The following PGAP2 variants were observed in gnomAD, a reference collection of about 807,000 sequenced individuals.
PGAP2 encodes the protein acyltransferase PGAP2.
In PGAP2, 21 loss-of-function variants were observed where a neutral mutation model predicts 33.2. The ratio of observed to expected loss-of-function variants is 0.63; its 90% confidence interval spans 0.45 to 0.91. The LOEUF (loss-of-function observed/expected upper bound fraction) is 0.91. PGAP2 is among the 40% of genes least tolerant of loss of function. PGAP2 has a pLI of 0.00. For synonymous variants in PGAP2, 161 were observed against 172.9 expected, an observed-to-expected ratio of 0.93 and a Z score of 0.54; for missense variants, 345 against 424.0, an observed-to-expected ratio of 0.81 and a Z score of 1.64.
intron 3 of PGAP2, among the ~76,000 whole-genome samples, chr11:3,818,326 CAA>C (rs5789309): frequency 0.056 from 5,449 of 97,596 alleles, 338 homozygotes; most frequent in African/African-American, 0.18. Flanking sequence ...AAGATCGTGC[CAA>C]AAAAAAAAAA....
At chr11:3,808,313 G>A, upstream of PGAP2, 3 of 1,551,532 alleles carry the variant, frequency 1.9e-6, no homozygotes, top group Non-Finnish European at 2.6e-6. Context: ...ACGCAGCTGA[G>A]AGGTAAGGCG....
chr11:3,797,744 G>A (rs889194951), upstream of PGAP2: 2 of 1,406,244 alleles, frequency 1.4e-6, no homozygotes, highest in Admixed American at 2.2e-5. Flanking sequence ...GAGGCACAGG[G>A]TAGGAGCGGT....
At chr11:3,823,606 A>C (rs1419715692) in intron 3 of PGAP2, 1 of 1,536,158 alleles carries the variant, frequency 6.5e-7, no homozygotes, top group East Asian at 2.4e-5. Flanking sequence ...ACATTGACCA[A>C]ACACAGGCAG....
intron 3 of PGAP2, chr11:3,822,893 C>T (rs746912968): frequency 3.8e-5 from 54 of 1,408,260 alleles, no homozygotes; most frequent in South Asian, 5.2e-5. Flanking sequence ...GTATTATCTT[C>T]TCCTTTTTCC....
Position 3,817,880 on chromosome 11 carries a change from C to T in PGAP2, c.348+345C>T, listed in dbSNP as rs1030630391. 28 of 474,286 alleles carry T rather than the reference C, an allele frequency of 5.9e-5. No homozygotes were observed. The Admixed American group carries it at 6.3e-4, about 11-fold the overall frequency. 29.4% of individuals were successfully genotyped at this position (474,286 alleles called of 1,614,324 possible). Reference sequence around the variant, plus strand: ...GCAACATGGTGAAACCCCGTCTGTACAAAAAATGCAAAAAAATTAGCTGGG... The same window carrying T: ...GCAACATGGTGAAACCCCGTCTGTATAAAAAATGCAAAAAAATTAGCTGGG... On this transcript the variant is annotated intron_variant, in intron 3 of 6. Transcript: ENST00000278243.
At chr11:3,823,318 G>A (rs1663579049) in intron 3 of PGAP2, among the ~76,000 whole-genome samples, 1 of 152,016 alleles carries the variant, frequency 6.6e-6, no homozygotes, top group African/African-American at 2.4e-5. Context: ...TTACAGATGT[G>A]AGCCATCGTG....
chr11:3,821,887 A>G (rs2088764422), intron 3 of PGAP2, among the ~76,000 whole-genome samples: 1 of 148,432 alleles, frequency 6.7e-6, no homozygotes, highest in Non-Finnish European at 1.5e-5. Flanking sequence ...ACATGGCAAA[A>G]CCCTGTTGCT....
At chr11:3,808,010 C>T (rs920227417), upstream of PGAP2, 66 of 1,338,578 alleles carry the variant, frequency 4.9e-5, no homozygotes, top group South Asian at 2.4e-4. Flanking sequence ...ACAGGGCGCC[C>T]TCTCCTGAAC....
At chr11:3,800,484 A>G (rs2083278448) in intron 1 of PGAP2, among the ~76,000 whole-genome samples, 1 of 152,178 alleles carries the variant, frequency 6.6e-6, no homozygotes. Flanking sequence ...GTTTAAATTT[A>G]TTTATTAATT....
chr11:3,819,398 G>T (rs753272089), intron 3 of PGAP2, among the ~76,000 whole-genome samples: 2 of 152,010 alleles, frequency 1.3e-5, no homozygotes, highest in Non-Finnish European at 2.9e-5. Context: ...CCAAGATGCG[G>T]ACTGTGAGCG....
chr11:3,824,540 G>T, intron 5 of PGAP2, 164 bp downstream of exon 5: 1 of 1,078,910 alleles, frequency 9.3e-7, no homozygotes, highest in Non-Finnish European at 1.4e-6. Flanking sequence ...ACTGAGGGTG[G>T]TTGGTCAGAA....
chr11:3,797,761 G>A (rs2082760867), upstream of PGAP2: 2 of 1,493,948 alleles, frequency 1.3e-6, no homozygotes, highest in South Asian at 1.2e-5. Flanking sequence ...CGGTGAGAGG[G>A]CCGTGGAGTC....
chr11:3,801,917 C>T (rs1301592666), intron 1 of PGAP2, among the ~76,000 whole-genome samples: 1 of 151,990 alleles, frequency 6.6e-6, no homozygotes, highest in Non-Finnish European at 1.5e-5. Context: ...CATACTCCAG[C>T]CTCAGCCTGT....
chr11:3,824,941 T>C, intron 5 of PGAP2, 79 bp from the exon 6 acceptor site: 2 of 1,595,596 alleles, frequency 1.3e-6, no homozygotes, highest in Non-Finnish European at 1.7e-6. Flanking sequence ...GGCCCAGCCC[T>C]TAGGAGTTAG....
Position 3,797,828 on chromosome 11 carries a change from C to A in PGAP2, c.-16C>A, listed in dbSNP as rs745886822. The stretch of plus-strand genomic sequence containing the variant: ...TGTCGTGACGTCACACAGGGCCTCT[C>A]GAAGTGGGCTTGTGAATGGCTAGAT... On this transcript the variant is annotated 5_prime_UTR_variant, in exon 1 of 7. Coordinates refer to the PGAP2 transcript ENST00000300730. 317 of 1,549,724 alleles carry A rather than the reference C, an allele frequency of 2.0e-4. 1 individual carries two copies. Among genetic ancestry groups the A allele is most frequent in the Non-Finnish European group, 2.6e-4 (295 of 1,146,222 alleles).
At position 3,814,905 on chromosome 11, in the gene PGAP2, G is replaced by GCCCTTT. The variant is rs369558503; in HGVS notation, c.166-2427_166-2422dup. Among the ~76,000 whole-genome samples the GCCCTTT allele has an allele frequency of 2.5e-3, 293 of 118,134 alleles. 1 individual carries two copies. Among genetic ancestry groups the GCCCTTT allele is most frequent in the African/African-American group, 8.4e-3 (252 of 30,162 alleles). 77.5% of individuals were successfully genotyped at this position (118,134 alleles called of 152,430 possible). A position where few individuals can be genotyped will look rare whatever the true frequency, so the allele number is the denominator to read the frequency against. The stretch of plus-strand genomic sequence containing the variant: ...CTTTCCTTCCCTTTCCCTTTCCCTT[G>GCCCTTT]CCCTTTCCCTTTCCCTTTCCCTTTC... On this transcript the variant is annotated intron_variant, in intron 2 of 6. Transcript: ENST00000278243.
Position 3,811,976 on chromosome 11 carries a change from G to A in PGAP2, c.165+552G>A, listed in dbSNP as rs1448537096. On this transcript the variant is annotated intron_variant, in intron 2 of 6. Transcript: ENST00000278243. The surrounding 1 kb of genome is among the most constrained non-coding windows in gnomAD (Gnocchi z 4.6). ...ATGACTGTATATAATGGGTTTGAGT[G>A]GGTCGTGTGTGAGAGAGACTATATC... 1.3e-5 allele frequency among the ~76,000 whole-genome samples: 2 copies of A among 152,130 alleles called. No individual in the cohort carries two copies. Among genetic ancestry groups the A allele is most frequent in the African/African-American group, 2.4e-5 (1 of 41,414 alleles).
intron 2 of PGAP2, among the ~76,000 whole-genome samples, chr11:3,812,977 C>A (rs1162963109): frequency 2.0e-5 from 3 of 152,198 alleles, no homozygotes; most frequent in East Asian, 1.9e-4. Flanking sequence ...TACCTATTAT[C>A]TCAGATAATG....
At chr11:3,814,720 T>TTTCTTTCC (rs71041398) in intron 2 of PGAP2, among the ~76,000 whole-genome samples, 1,978 of 115,300 alleles carry the variant, frequency 0.017, 56 homozygotes, top group East Asian at 0.047. Context: ...GCCCAAGCTT[T>TTTCTTTCC]TTCTTTCCTT....
Sources: gnomAD v4.1 joint callset for allele counts (sites outside exome capture counted in the v4.1 genomes callset) on GRCh38, gnomAD v4.1.1 for gene constraint, Gnocchi (gnomAD v3.1) non-coding constraint, MANE v1.5 for transcripts, NCBI Gene and HGNC (gene_info 2026-07-23, HGNC 2026-07-21) for gene names.